Variants in CLNK observed in about 807,000 individuals in gnomAD.
The protein encoded by CLNK is cytokine-dependent hematopoietic cell linker.
Under a neutral mutation model 68.6 loss-of-function variants are expected in CLNK, and 74 were observed. The observed-to-expected ratio is 1.08, with a 90% CI of 0.89 to 1.31. The LOEUF is 1.31. CLNK is among the 50% of genes most tolerant of loss of function. The probability of loss-of-function intolerance (pLI) is 0.00; values close to 1 mark genes in which losing one functional copy is unlikely to be tolerated. For missense variants in CLNK, 553 were observed against 515.3 expected (o/e 1.07, Z -0.71); for synonymous variants, 198 against 172.2 (o/e 1.15, Z -1.17).
the CLNK span, among the ~76,000 whole-genome samples, chr4:10,723,615 C>G: frequency 1.9e-4 from 29 of 152,030 alleles, no homozygotes; most frequent in African/African-American, 6.3e-4. Flanking sequence ...ATCATTTTTG[C>G]GTTTCTATCC....
At chr4:10,513,792 C>G (rs1306499034) in intron 15 of CLNK, among the ~76,000 whole-genome samples, 195 bp from the exon 16 acceptor site, 3 of 150,458 alleles carry the variant, frequency 2.0e-5, no homozygotes, top group Non-Finnish European at 4.4e-5. Flanking sequence ...CCTTCCTCCT[C>G]TCTTTCCTTA....
intron 15 of CLNK, among the ~76,000 whole-genome samples, chr4:10,515,022 G>A (rs553499732): frequency 6.6e-6 from 1 of 152,312 alleles, no homozygotes; most frequent in African/African-American, 2.4e-5. Context: ...CGGATCACCT[G>A]AGGTCAGGAG....
rs547413952 is a variant in CLNK, at chr4:10,654,577, G to GA, written c.11+13281dup. On this transcript the variant is annotated intron_variant, in intron 2 of 18. Coordinates refer to ENST00000226951, the MANE Select transcript of CLNK (RefSeq NM_052964.4). ...CTAACCAGTGTAGTCAGGCAAGAAA[G>GA]AAAAAAATGTAAAGGAAATGGAGAG... Among the ~76,000 whole-genome samples, 9 of 150,082 alleles carry GA rather than the reference G, an allele frequency of 6.0e-5. No individual in the cohort carries two copies. In the South Asian group the frequency reaches 1.7e-3, roughly 28 times the overall value.
chr4:10,649,809 G>A (rs1723656887), intron 2 of CLNK, among the ~76,000 whole-genome samples: 1 of 151,894 alleles, frequency 6.6e-6, no homozygotes, highest in Non-Finnish European at 1.5e-5. Context: ...CTCTGGGGGA[G>A]CACAATTTCA....
chr4:10,649,379 C>G (rs927885685), intron 2 of CLNK, among the ~76,000 whole-genome samples: 4 of 152,110 alleles, frequency 2.6e-5, no homozygotes, highest in African/African-American at 9.7e-5. Context: ...AGATGAGAAC[C>G]TAGAAAGAGA....
At chr4:10,549,289 G>A (rs1346280181) in intron 8 of CLNK, among the ~76,000 whole-genome samples, 1 of 152,124 alleles carries the variant, frequency 6.6e-6, no homozygotes, top group African/African-American at 2.4e-5. Context: ...GAAAAAAACT[G>A]GATTGAACAA....
chr4:10,561,496 T>C (rs1027153692), intron 7 of CLNK, among the ~76,000 whole-genome samples: 1 of 152,016 alleles, frequency 6.6e-6, no homozygotes, highest in African/African-American at 2.4e-5. Flanking sequence ...TAAAAAAAAA[T>C]TGTATTCATG....
chr4:10,579,180 G>A (rs1300971059), intron 4 of CLNK, among the ~76,000 whole-genome samples: 1 of 152,334 alleles, frequency 6.6e-6, no homozygotes, highest in East Asian at 1.9e-4. Context: ...CCAGTGTAAT[G>A]AGAAATAGGG....
At chr4:10,723,682 A>G in the CLNK span, among the ~76,000 whole-genome samples, 2 of 152,310 alleles carry the variant, frequency 1.3e-5, no homozygotes, top group East Asian at 3.9e-4. Flanking sequence ...CGGTAATAAC[A>G]ACATTATTAG....
intron 18 of CLNK, among the ~76,000 whole-genome samples, chr4:10,491,614 T>C (rs1439048971): frequency 6.7e-6 from 1 of 148,424 alleles, no homozygotes; most frequent in Non-Finnish European, 1.5e-5. Context: ...TTTAGGGAAA[T>C]GGGGAAGTGC....
chr4:10,719,223 G>A, the CLNK span, among the ~76,000 whole-genome samples: 7 of 152,104 alleles, frequency 4.6e-5, no homozygotes, highest in South Asian at 1.5e-3. Flanking sequence ...AGTGTAAATG[G>A]TCTAAATACA....
chr4:10,598,476 C>T (rs1193966366), intron 2 of CLNK, among the ~76,000 whole-genome samples: 1 of 152,192 alleles, frequency 6.6e-6, no homozygotes, highest in East Asian at 1.9e-4. Flanking sequence ...GTGAGCCAGG[C>T]AATGTCTCAG....
chr4:10,595,397 C>A (rs1363234047), intron 3 of CLNK, among the ~76,000 whole-genome samples: 3 of 152,054 alleles, frequency 2.0e-5, no homozygotes, highest in Non-Finnish European at 1.5e-5. Context: ...GGAAACAGTA[C>A]AAAATAAAAG....
chr4:10,623,885 G>C (rs1298488105), intron 2 of CLNK, among the ~76,000 whole-genome samples: 1 of 152,216 alleles, frequency 6.6e-6, no homozygotes, highest in African/African-American at 2.4e-5. Flanking sequence ...CTCTTAAACG[G>C]TAAGAAATGT....
intron 2 of CLNK, among the ~76,000 whole-genome samples, chr4:10,614,818 G>A (rs371485107): frequency 2.0e-5 from 3 of 152,208 alleles, no homozygotes; most frequent in African/African-American, 7.2e-5. Context: ...TTTCCTATGA[G>A]TACCCACTCT....
chr4:10,538,773 C>T (rs1327519980), intron 11 of CLNK, among the ~76,000 whole-genome samples: 1 of 152,194 alleles, frequency 6.6e-6, no homozygotes, highest in East Asian at 1.9e-4. Context: ...TCTTCCATCC[C>T]TTCCTGGGCT....
chr4:10,566,983 C>T (rs982852210), intron 5 of CLNK, among the ~76,000 whole-genome samples: 1 of 151,900 alleles, frequency 6.6e-6, no homozygotes, highest in Admixed American at 6.6e-5. Context: ...GGAAAGATGA[C>T]TAATGATCAT....
chr4:10,551,779 T>C (rs1719470412), intron 8 of CLNK, among the ~76,000 whole-genome samples: 1 of 152,050 alleles, frequency 6.6e-6, no homozygotes, highest in Non-Finnish European at 1.5e-5. Flanking sequence ...TGAATTATGA[T>C]GAAATAAGCT....
intron 11 of CLNK, among the ~76,000 whole-genome samples, chr4:10,537,647 C>T (rs957242837): frequency 1.1e-4 from 5 of 47,288 alleles, no homozygotes; most frequent in African/African-American, 4.6e-4. Context: ...CTCTTTCTTT[C>T]TTTCTTTCTT....
Sources: gnomAD v4.1 joint callset for allele counts (sites outside exome capture counted in the v4.1 genomes callset) on GRCh38, gnomAD v4.1.1 for gene constraint, MANE v1.5 for transcripts, NCBI Gene and HGNC (gene_info 2026-07-23, HGNC 2026-07-21) for gene names.